Variants in PPP1CB observed in about 807,000 individuals in gnomAD.
PPP1CB encodes the protein serine/threonine-protein phosphatase PP1-beta catalytic subunit.
PPP1CB carries 2 observed loss-of-function variants against 43.7 expected under a neutral mutation model. The ratio of observed to expected loss-of-function variants is 0.05; its 90% CI spans 0.02 to 0.14. PPP1CB has a LOEUF of 0.14. Ranked by LOEUF, PPP1CB falls within the 10% of genes least tolerant of loss-of-function variation. PPP1CB has a pLI of 1.00. For synonymous variants in PPP1CB, 136 were observed against 135.6 expected (o/e 1.00, Z -0.02); for missense variants, 84 against 398.0 (o/e 0.21, Z 6.71).
intron 1 of PPP1CB, among the ~76,000 whole-genome samples, chr2:28,762,006 G>A (rs748114380): frequency 2.3e-4 from 35 of 152,142 alleles, no homozygotes; most frequent in Non-Finnish European, 4.7e-4. Flanking sequence ...GTTCTCGGCC[G>A]GGCATGGTAG....
At chr2:28,797,774 T>C (rs947828891) in intron 7 of PPP1CB, among the ~76,000 whole-genome samples, 2 of 152,172 alleles carry the variant, frequency 1.3e-5, no homozygotes, top group Admixed American at 6.5e-5. Context: ...AACCAACTTT[T>C]GGTTTCAACA....
chr2:28,755,390 C>T (rs1321422717), intron 1 of PPP1CB, among the ~76,000 whole-genome samples: 1 of 152,154 alleles, frequency 6.6e-6, no homozygotes, highest in African/African-American at 2.4e-5. Context: ...TACAAACATG[C>T]CATTTAATGT....
chr2:28,760,737 A>C (rs1465767691), intron 1 of PPP1CB, among the ~76,000 whole-genome samples: 1 of 152,212 alleles, frequency 6.6e-6, no homozygotes, highest in East Asian at 1.9e-4. Flanking sequence ...AGCTTTCACT[A>C]ATGTCATATC....
intron 1 of PPP1CB, among the ~76,000 whole-genome samples, chr2:28,759,057 G>A (rs1666576875): frequency 6.6e-6 from 1 of 152,176 alleles, no homozygotes; most frequent in Admixed American, 6.5e-5. Flanking sequence ...ATGATGTTTT[G>A]GTCAACAGTG....
chr2:28,771,737 G>A (rs1039185744), intron 1 of PPP1CB, among the ~76,000 whole-genome samples: 6 of 152,104 alleles, frequency 3.9e-5, no homozygotes, highest in African/African-American at 1.4e-4. Context: ...TTTGAGATGG[G>A]TTATAGAATG....
chr2:28,763,069 T>G (rs1178515431), intron 1 of PPP1CB, among the ~76,000 whole-genome samples: 1 of 152,218 alleles, frequency 6.6e-6, no homozygotes, highest in Non-Finnish European at 1.5e-5. Flanking sequence ...CAGTTAATAC[T>G]TTCCAGTAAA....
chr2:28,755,064 T>C (rs2148453164), intron 1 of PPP1CB, among the ~76,000 whole-genome samples: 1 of 152,314 alleles, frequency 6.6e-6, no homozygotes, highest in East Asian at 1.9e-4. Context: ...TTTTGTTTTT[T>C]TGAGACGGAG....
chr2:28,776,319 A>G (rs138346547), intron 1 of PPP1CB, among the ~76,000 whole-genome samples: 3,630 of 151,672 alleles, frequency 0.024, 50 homozygotes, highest in Middle Eastern at 0.044. Context: ...CTGGAGTGCA[A>G]TGGGGCGATC....
At position 28,802,680 on chromosome 2, in the gene PPP1CB, G is replaced by A. The variant is rs1021134341; in HGVS notation, c.*3377G>A. On this transcript the variant is annotated 3_prime_UTR_variant, in exon 8 of 8. Coordinates refer to ENST00000395366, the MANE Select transcript of PPP1CB (RefSeq NM_002709.3). ...TTAAAAGTGAAACTTAGATACAATT[G>A]TGATTGGATACTTAGATACTAAGTG... is the stretch of plus-strand genomic sequence containing the variant. The A allele has an allele frequency of 6.6e-6, 1 of 152,142 alleles. No homozygotes were observed. Among genetic ancestry groups the A allele is most frequent in the Non-Finnish European group, 1.5e-5 (1 of 68,024 alleles). 9.4% of individuals were successfully genotyped at this position (152,142 alleles called of 1,614,324 possible).
Position 28,800,126 on chromosome 2 carries a change from A to G in PPP1CB, c.*823A>G, listed in dbSNP as rs1324385707. On this transcript the variant is annotated 3_prime_UTR_variant, in exon 8 of 8. Coordinates refer to ENST00000395366, the MANE Select transcript of PPP1CB (RefSeq NM_002709.3). The stretch of plus-strand genomic sequence containing the variant: ...CTAGTTGGTAATGTGATTATGTGGT[A>G]CCTTGGCTTTAGGTTTTCATTCGCA... The G allele has an allele frequency of 6.6e-6, 1 of 151,696 alleles. No individual in the cohort carries two copies. Among genetic ancestry groups the G allele is most frequent in the Admixed American group, 6.6e-5 (1 of 15,182 alleles). 9.4% of individuals were successfully genotyped at this position (151,696 alleles called of 1,614,324 possible). A position where few individuals can be genotyped will look rare whatever the true frequency, so the allele number is the denominator to read the frequency against.
chr2:28,782,358 A>G (rs987948353), intron 4 of PPP1CB, among the ~76,000 whole-genome samples: 1 of 152,234 alleles, frequency 6.6e-6, no homozygotes, highest in African/African-American at 2.4e-5. Flanking sequence ...TGAAAAATTA[A>G]TGTATATGTC....
At position 28,801,926 on chromosome 2, in the gene PPP1CB, T is replaced by C; in HGVS notation, c.*2623T>C. ...AATTTTGCCCAGGGACAAATTTTAA[T>C]AATCAGCAAGACTGGTTTGTGCAAA... On this transcript the variant is annotated 3_prime_UTR_variant, in exon 8 of 8. Transcript: ENST00000395366. 1 of 152,226 alleles carries C rather than the reference T, an allele frequency of 6.6e-6. No homozygotes were observed. The highest frequency in any genetic ancestry group is 1.9e-4 in the East Asian group (1 of 5,204). 9.4% of individuals were successfully genotyped at this position (152,226 alleles called of 1,614,324 possible). A position where few individuals can be genotyped will look rare whatever the true frequency, so the allele number is the denominator to read the frequency against.
intron 1 of PPP1CB, among the ~76,000 whole-genome samples, chr2:28,768,421 T>C (rs991311369): frequency 2.0e-5 from 3 of 152,160 alleles, no homozygotes; most frequent in Non-Finnish European, 4.4e-5. Context: ...ATTGACTGAC[T>C]TCAGAGGTAC....
At chr2:28,798,460 AATAG>A (rs1667540924) in intron 7 of PPP1CB, among the ~76,000 whole-genome samples, 3 of 152,150 alleles carry the variant, frequency 2.0e-5, no homozygotes, top group South Asian at 2.1e-4. Context: ...TCAGCTACTG[AATAG>A]ATAAACTGTG....
rs560757095 is a variant in PPP1CB, at chr2:28,801,751, T to G, written c.*2448T>G. On this transcript the variant is annotated 3_prime_UTR_variant, in exon 8 of 8. Coordinates refer to ENST00000395366, the MANE Select transcript of PPP1CB (RefSeq NM_002709.3). ...TGTATACAATTTAATCCAAATGTTA[T>G]GACATTCAGAAATCATGAAACACAG... The G allele has an allele frequency of 6.6e-6, 1 of 152,216 alleles. No individual in the cohort carries two copies. The highest frequency in any genetic ancestry group is 1.5e-5 in the Non-Finnish European group (1 of 68,030). 9.4% of individuals were successfully genotyped at this position (152,216 alleles called of 1,614,324 possible).
chr2:28,777,436 A>G (rs1365627552), intron 2 of PPP1CB, among the ~76,000 whole-genome samples: 1 of 152,236 alleles, frequency 6.6e-6, no homozygotes, highest in Non-Finnish European at 1.5e-5. Context: ...AGGGCATCAT[A>G]GTACACTGGT....
intron 1 of PPP1CB, among the ~76,000 whole-genome samples, chr2:28,759,117 G>A (rs6547873): frequency 0.51 from 77,492 of 152,060 alleles, 20,449 homozygotes; most frequent in Middle Eastern, 0.61. Context: ...ATGGAACTGA[G>A]AAATTCCTGT....
intron 1 of PPP1CB, among the ~76,000 whole-genome samples, chr2:28,754,522 C>T (rs1666435326): frequency 6.6e-6 from 1 of 152,180 alleles, no homozygotes; most frequent in Non-Finnish European, 1.5e-5. Flanking sequence ...AGCCTCCTCT[C>T]TGTCCTATGT....
chr2:28,781,709 T>C (rs780143413), intron 3 of PPP1CB, 29 bp from the exon 4 acceptor site: 1 of 1,485,002 alleles, frequency 6.7e-7, no homozygotes, highest in Non-Finnish European at 9.3e-7. Context: ...TTTAGATTTT[T>C]TAATTTATTC....
Sources: allele counts gnomAD v4.1 joint callset (sites outside exome capture counted in the v4.1 genomes callset), GRCh38; gene constraint gnomAD v4.1.1; transcripts MANE v1.5; gene names NCBI Gene and HGNC (gene_info 2026-07-23, HGNC 2026-07-21).